The following MAST4 variants were observed in gnomAD, a reference collection of about 807,000 sequenced individuals.
The protein encoded by MAST4 is microtubule associated serine/threonine kinase family member 4, also known as microtubule-associated serine/threonine-protein kinase 4.
MAST4 carries 89 observed loss-of-function variants against 162.7 expected under a neutral mutation model. That is an observed-to-expected ratio of 0.55 (90% confidence interval 0.46 to 0.65). The LOEUF is 0.65. MAST4 is among the 30% of genes least tolerant of loss of function. MAST4 has a pLI of 0.00. For synonymous variants in MAST4, 1,479 were observed against 1,361.1 expected (o/e 1.09, Z -1.91); for missense variants, 3,153 against 3,374.0 (o/e 0.93, Z 1.62).
Position 66,686,456 on chromosome 5 carries a change from G to T in MAST4, c.364-73253G>T, listed in dbSNP as rs545466261. 3.4e-4 allele frequency among the ~76,000 whole-genome samples: 51 copies of T among 152,176 alleles called. 1 individual carries two copies. In the South Asian group the frequency reaches 0.01, roughly 30 times the overall value. ...TTGCTAATTTTGAGATTTAAAAATG[G>T]GATCAAAAAACTGTCATGAAACTAA... On this transcript the variant is annotated intron_variant, in intron 1 of 28. Transcript: ENST00000403625.
intron 3 of MAST4, among the ~76,000 whole-genome samples, chr5:66,804,474 T>C (rs1197052882): frequency 6.6e-6 from 1 of 152,172 alleles, no homozygotes; most frequent in African/African-American, 2.4e-5. Context: ...TTATCTGTGG[T>C]AAGTTCTTCA....
intron 2 of MAST4, among the ~76,000 whole-genome samples, chr5:66,769,664 G>A (rs553228562): frequency 2.6e-5 from 4 of 152,146 alleles, no homozygotes; most frequent in Non-Finnish European, 4.4e-5. Flanking sequence ...CATACCTAAC[G>A]TAGAAAAGGT....
At chr5:66,648,882 T>C (rs1746034773) in intron 1 of MAST4, among the ~76,000 whole-genome samples, 2 of 152,184 alleles carry the variant, frequency 1.3e-5, no homozygotes. Flanking sequence ...TGTTTTATGT[T>C]TATGACCATT....
intron 4 of MAST4, among the ~76,000 whole-genome samples, chr5:66,993,723 TAA>T (rs1476320357): frequency 6.6e-6 from 1 of 152,142 alleles, no homozygotes; most frequent in African/African-American, 2.4e-5. Flanking sequence ...GACAGGCACA[TAA>T]ACAACAGAGG....
intron 5 of MAST4, among the ~76,000 whole-genome samples, chr5:67,084,127 T>C (rs1214153511): frequency 1.3e-5 from 2 of 152,202 alleles, no homozygotes; most frequent in Admixed American, 1.3e-4. Context: ...TCTGTGCAAG[T>C]CTTATGACAA....
intron 2 of MAST4, among the ~76,000 whole-genome samples, chr5:66,775,499 A>T (rs182388360): frequency 6.6e-6 from 1 of 152,140 alleles, no homozygotes; most frequent in Non-Finnish European, 1.5e-5. Context: ...CCAGCCCTAC[A>T]CCTACCATTA....
rs146916972 is a variant in MAST4 at position 66,986,214 on chromosome 5, T to C, written c.675-68190T>C. ...CTTGCTGGGGAGGGCAGGGTCACAG[T>C]GGGAGCAGAGTGCAGGGCAGGTCCC... On this transcript the variant is annotated intron_variant, in intron 4 of 28. Transcript: ENST00000403625. Among the ~76,000 whole-genome samples, 121 of 152,058 alleles carry C rather than the reference T, an allele frequency of 8.0e-4. 1 individual carries two copies. Among genetic ancestry groups the C allele is most frequent in the African/African-American group, 2.8e-3 (117 of 41,476 alleles).
intron 1 of MAST4, among the ~76,000 whole-genome samples, chr5:66,705,421 C>A (rs970527557): frequency 6.6e-6 from 1 of 151,936 alleles, no homozygotes; most frequent in African/African-American, 2.4e-5. Flanking sequence ...AAGATAAAAA[C>A]AAAAGATATA....
At chr5:66,604,133 C>T (rs1458641210) in intron 1 of MAST4, among the ~76,000 whole-genome samples, 3 of 152,132 alleles carry the variant, frequency 2.0e-5, no homozygotes, top group Non-Finnish European at 4.4e-5. Flanking sequence ...GGACTGTGGT[C>T]CTTGGTACAG....
intron 1 of MAST4, among the ~76,000 whole-genome samples, chr5:66,742,610 T>C (rs2149575747): frequency 6.6e-6 from 1 of 152,286 alleles, no homozygotes; most frequent in African/African-American, 2.4e-5. Flanking sequence ...ATTTTCTGTT[T>C]TTACTACACT....
intron 4 of MAST4, among the ~76,000 whole-genome samples, chr5:66,970,262 C>G (rs116158584): frequency 1.1e-3 from 165 of 152,190 alleles, no homozygotes; most frequent in African/African-American, 3.9e-3. Flanking sequence ...GATGTGTGTG[C>G]GGTGCTCCAG....
chr5:67,001,737 C>T (rs1751320608), intron 4 of MAST4: 1 of 152,140 alleles, frequency 6.6e-6, no homozygotes, highest in Non-Finnish European at 1.5e-5. Context: ...GTATTGGAGT[C>T]CTCAGGTCTT....
chr5:66,843,022 T>C (rs1758535198), intron 3 of MAST4, among the ~76,000 whole-genome samples: 1 of 152,186 alleles, frequency 6.6e-6, no homozygotes, highest in African/African-American at 2.4e-5. Flanking sequence ...AATGAACTCC[T>C]CCGTGTGTCT....
At chr5:66,613,700 G>A (rs1251820391) in intron 1 of MAST4, among the ~76,000 whole-genome samples, 1 of 152,166 alleles carries the variant, frequency 6.6e-6, no homozygotes, top group East Asian at 1.9e-4. Flanking sequence ...ATAAAGCAGA[G>A]CCTGTGATTT....
intron 4 of MAST4, among the ~76,000 whole-genome samples, chr5:67,017,090 A>C (rs1442086695): frequency 6.6e-6 from 1 of 152,218 alleles, no homozygotes; most frequent in East Asian, 1.9e-4. Context: ...TCCTTTGAGA[A>C]AATTGCTGTG....
At chr5:67,093,670 C>T (rs1405537815) in intron 6 of MAST4, 3 of 458,140 alleles carry the variant, frequency 6.5e-6, no homozygotes, top group Admixed American at 2.3e-5. Context: ...CTAATAAGAA[C>T]ATGTCTTCTC....
chr5:66,842,388 A>G (rs896500198), intron 3 of MAST4, among the ~76,000 whole-genome samples: 3 of 152,120 alleles, frequency 2.0e-5, no homozygotes, highest in African/African-American at 7.2e-5. Flanking sequence ...TCTGCCTGGA[A>G]AAATGTTTTG....
chr5:66,778,098 T>C (rs1754686329), intron 2 of MAST4, among the ~76,000 whole-genome samples: 1 of 152,166 alleles, frequency 6.6e-6, no homozygotes, highest in East Asian at 1.9e-4. Context: ...CTTCTCTGGG[T>C]GCCGTCACGC....
In MAST4 at chr5:67,166,316, T is replaced by C; in HGVS notation, c.7137T>C (p.Tyr2379=). The change falls in exon 29 of 29, where the codon TAT becomes TAC. Residue 2379 remains tyrosine (Y), a synonymous_variant. Transcript: ENST00000403625. The stretch of plus-strand genomic sequence containing the variant: ...GGAAGAAATGCACTGAAGCACTTTA[T>C]GCTCCAGCAGAGGGCGACAAGCTCG... ...AEGKKCTEAL[Y]APAEGDKLEA... is the part of the protein sequence containing the mutation. The C allele has an allele frequency of 6.3e-7, 1 of 1,585,166 alleles. No homozygotes were observed. The highest frequency in any genetic ancestry group is 8.6e-7 in the Non-Finnish European group (1 of 1,165,008).
Sources: allele counts gnomAD v4.1 joint callset (sites outside exome capture counted in the v4.1 genomes callset), GRCh38; gene constraint gnomAD v4.1.1; transcripts MANE v1.5; gene names NCBI Gene and HGNC (gene_info 2026-07-23, HGNC 2026-07-21).